ANO10: variants seen among roughly 807,000 people sequenced by gnomAD.
ANO10 encodes the protein anoctamin-10.
In ANO10, 77 loss-of-function variants were observed where a neutral mutation model predicts 74.7. The observed-to-expected ratio is 1.03, with a 90% CI of 0.86 to 1.25. ANO10 has a LOEUF of 1.25. Among genes scored for constraint, ANO10 ranks in the 50% most tolerant of loss-of-function variants. The pLI is 0.00. For synonymous variants in ANO10, 279 were observed against 284.9 expected, an observed-to-expected ratio of 0.98 and a Z score of 0.21; for missense variants, 721 against 778.1, an observed-to-expected ratio of 0.93 and a Z score of 0.87.
intron 1 of ANO10, among the ~76,000 whole-genome samples, chr3:43,649,981 CTT>C (rs2083770189): frequency 6.6e-6 from 1 of 152,150 alleles, no homozygotes; most frequent in Admixed American, 6.5e-5. Context: ...ACAGTGCACT[CTT>C]TTAGCCTTGC....
intron 12 of ANO10, among the ~76,000 whole-genome samples, chr3:43,405,745 A>AT (rs1157291848): frequency 1.3e-5 from 2 of 152,150 alleles, no homozygotes; most frequent in Non-Finnish European, 2.9e-5. Context: ...AAGTGCTGGG[A>AT]TTACAGGCGT....
chr3:43,471,571 C>T (rs1364712585), intron 11 of ANO10, among the ~76,000 whole-genome samples: 1 of 152,074 alleles, frequency 6.6e-6, no homozygotes, highest in Non-Finnish European at 1.5e-5. Flanking sequence ...AAATCCCAAG[C>T]TTCTAGACAC....
intron 11 of ANO10, among the ~76,000 whole-genome samples, chr3:43,433,225 G>A (rs1362192190): frequency 6.6e-6 from 1 of 152,036 alleles, no homozygotes; most frequent in Non-Finnish European, 1.5e-5. Flanking sequence ...GGGATTACAG[G>A]TGTTGAGCGA....
At chr3:43,431,916 AAAG>A (rs2092988410) in intron 12 of ANO10, among the ~76,000 whole-genome samples, 1 of 152,106 alleles carries the variant, frequency 6.6e-6, no homozygotes, top group Non-Finnish European at 1.5e-5. Context: ...TTTGGAGGCC[AAAG>A]AAGGAGTATG....
rs1426064534 is a variant in ANO10 at position 43,394,489 on chromosome 3, C to T, written c.1915-27515G>A. Among the ~76,000 whole-genome samples the T allele has an allele frequency of 2.0e-5, 3 of 152,138 alleles. No individual in the cohort carries two copies. The East Asian group carries it at 5.8e-4, about 29-fold the overall frequency. Reference sequence around the variant, plus strand: ...CCTGGCTCCCTTCCTGAATTTTTTCCATCCTGCACAGGAATGTTTAATCTC... The same window carrying T: ...CCTGGCTCCCTTCCTGAATTTTTTCTATCCTGCACAGGAATGTTTAATCTC... On this transcript the variant is annotated intron_variant, in intron 12 of 12. Transcript: ENST00000292246.
intron 1 of ANO10, among the ~76,000 whole-genome samples, chr3:43,648,060 G>A (rs1264066159): frequency 6.6e-6 from 1 of 152,128 alleles, no homozygotes; most frequent in Non-Finnish European, 1.5e-5. Context: ...TTACAGCCAG[G>A]CTGAAGCCCA....
intron 11 of ANO10, among the ~76,000 whole-genome samples, chr3:43,518,747 T>C (rs2077820404): frequency 6.6e-6 from 1 of 152,128 alleles, no homozygotes; most frequent in East Asian, 1.9e-4. Context: ...CCCAGGCCTA[T>C]TAGGATTAGG....
chr3:43,389,048 C>G (rs1169772640), intron 12 of ANO10, among the ~76,000 whole-genome samples: 3 of 152,204 alleles, frequency 2.0e-5, no homozygotes, highest in Non-Finnish European at 4.4e-5. Context: ...AGGGAGATCA[C>G]AGTCACAGAT....
chr3:43,372,577 C>T (rs2091652394), intron 12 of ANO10, among the ~76,000 whole-genome samples: 1 of 152,254 alleles, frequency 6.6e-6, no homozygotes, highest in South Asian at 2.1e-4. Flanking sequence ...TTCTGCCACT[C>T]AGTCCTCAGC....
At chr3:43,455,212 G>T (rs2075072532) in intron 11 of ANO10, among the ~76,000 whole-genome samples, 1 of 152,172 alleles carries the variant, frequency 6.6e-6, no homozygotes. Flanking sequence ...CTGGAGGACT[G>T]AGGGAGGAGA....
intron 11 of ANO10, among the ~76,000 whole-genome samples, chr3:43,456,973 G>A (rs2075157878): frequency 6.6e-6 from 1 of 152,156 alleles, no homozygotes; most frequent in Non-Finnish European, 1.5e-5. Context: ...GCACCCAACA[G>A]TACATTACCA....
chr3:43,686,754 G>C (rs994479868), intron 1 of ANO10, among the ~76,000 whole-genome samples: 3 of 152,212 alleles, frequency 2.0e-5, no homozygotes, highest in Non-Finnish European at 1.5e-5. Flanking sequence ...AATGGCTACT[G>C]TATCAGAGAG....
chr3:43,643,474 T>C (rs2083691593), intron 1 of ANO10, among the ~76,000 whole-genome samples: 1 of 151,936 alleles, frequency 6.6e-6, no homozygotes, highest in African/African-American at 2.4e-5. Context: ...GAGTATGTTA[T>C]AAAATGTTTG....
intron 12 of ANO10, among the ~76,000 whole-genome samples, chr3:43,396,583 C>T (rs969310107): frequency 5.3e-5 from 8 of 151,946 alleles, no homozygotes; most frequent in African/African-American, 1.2e-4. Flanking sequence ...GTGATCCACC[C>T]GCCTCAGCCT....
intron 5 of ANO10, among the ~76,000 whole-genome samples, chr3:43,578,749 CAAAAAAAAAAAAAA>C (rs56186109): frequency 0.18 from 11,780 of 64,674 alleles, 1,015 homozygotes; most frequent in African/African-American, 0.33. Context: ...GACTCCATCT[CAAAAAAAAAAAAAA>C]AAAAAAAAAA....
chr3:43,607,845 T>C (rs946347322), intron 1 of ANO10, among the ~76,000 whole-genome samples: 4 of 152,068 alleles, frequency 2.6e-5, no homozygotes, highest in African/African-American at 7.2e-5. Flanking sequence ...TTTAAAAATA[T>C]GAGTCAAAAT....
intron 1 of ANO10, among the ~76,000 whole-genome samples, chr3:43,675,111 C>T (rs763856376): frequency 6.6e-6 from 1 of 152,096 alleles, no homozygotes; most frequent in Non-Finnish European, 1.5e-5. Flanking sequence ...CTAATACATT[C>T]AAAATGATTT....
chr3:43,463,512 AAGG>A (rs2075478297), intron 11 of ANO10, among the ~76,000 whole-genome samples: 1 of 152,228 alleles, frequency 6.6e-6, no homozygotes, highest in Non-Finnish European at 1.5e-5. Flanking sequence ...CATGGAGTCA[AAGG>A]AGATCATTTT....
At chr3:43,570,119 C>T (rs1171943202) in intron 7 of ANO10, among the ~76,000 whole-genome samples, 1 of 144,324 alleles carries the variant, frequency 6.9e-6, no homozygotes, top group Non-Finnish European at 1.5e-5. Context: ...AGGAATCCAA[C>T]TTACAAGGGA....
Sources: gnomAD v4.1 joint callset for allele counts (sites outside exome capture counted in the v4.1 genomes callset) on GRCh38, gnomAD v4.1.1 for gene constraint, MANE v1.5 for transcripts, NCBI Gene and HGNC (gene_info 2026-07-23, HGNC 2026-07-21) for gene names.